STRN: variants seen among roughly 807,000 people sequenced by gnomAD.
STRN encodes the protein striatin.
A neutral mutation model predicts 96.3 loss-of-function variants in STRN; 53 were observed. The ratio of observed to expected loss-of-function variants is 0.55; its 90% CI spans 0.44 to 0.69. The LOEUF is 0.69. Ranked by LOEUF, STRN falls within the 30% of genes least tolerant of loss-of-function variation. The pLI is 0.00. For missense variants in STRN, 987 were observed against 963.9 expected, an observed-to-expected ratio of 1.02 and a Z score of -0.32; for synonymous variants, 428 against 355.9, an observed-to-expected ratio of 1.20 and a Z score of -2.28.
intron 2 of STRN, 70 bp from the exon 3 acceptor site, chr2:36,916,221 T>A: frequency 2.3e-6 from 3 of 1,306,740 alleles, no homozygotes; most frequent in Non-Finnish European, 3.3e-6. Flanking sequence ...ATAGTAGTAG[T>A]CACAAGAATT....
intron 10 of STRN, among the ~76,000 whole-genome samples, chr2:36,871,089 CA>C (rs1358637354): frequency 6.6e-6 from 1 of 152,100 alleles, no homozygotes; most frequent in East Asian, 1.9e-4. Context: ...TAAGCTGTGT[CA>C]AAATGTTTTT....
At chr2:36,934,273 G>T (rs1670647676) in intron 1 of STRN, among the ~76,000 whole-genome samples, 1 of 152,090 alleles carries the variant, frequency 6.6e-6, no homozygotes, top group Non-Finnish European at 1.5e-5. Flanking sequence ...TTCAGCAAAT[G>T]CTCCAACCTG....
intron 9 of STRN, among the ~76,000 whole-genome samples, chr2:36,882,687 T>C (rs1287509005): frequency 6.6e-6 from 1 of 152,186 alleles, no homozygotes; most frequent in Non-Finnish European, 1.5e-5. Context: ...AAGTATCACC[T>C]GAGCCTGAGA....
chr2:36,951,448 A>G (rs1664750275), intron 1 of STRN, among the ~76,000 whole-genome samples: 1 of 152,242 alleles, frequency 6.6e-6, no homozygotes, highest in South Asian at 2.1e-4. Flanking sequence ...AGGCAGAACT[A>G]GCAAGCAGCA....
intron 6 of STRN, among the ~76,000 whole-genome samples, chr2:36,894,567 T>C (rs1460097050): frequency 6.6e-6 from 1 of 152,216 alleles, no homozygotes; most frequent in African/African-American, 2.4e-5. Flanking sequence ...TCTACATGCC[T>C]AAGCTCTTTA....
intron 4 of STRN, among the ~76,000 whole-genome samples, chr2:36,904,851 T>G (rs377274130): frequency 2.6e-5 from 4 of 152,022 alleles, no homozygotes; most frequent in Admixed American, 1.3e-4. Context: ...AATGAATGAA[T>G]GAATGAATGA....
intron 15 of STRN, among the ~76,000 whole-genome samples, chr2:36,853,019 T>C (rs957272502): frequency 4.6e-5 from 7 of 152,214 alleles, no homozygotes; most frequent in East Asian, 1.9e-4. Flanking sequence ...GAACCAGATA[T>C]GGTGGCACAC....
intron 2 of STRN, among the ~76,000 whole-genome samples, chr2:36,918,042 G>A (rs1670155932): frequency 6.6e-6 from 1 of 152,094 alleles, no homozygotes; most frequent in Non-Finnish European, 1.5e-5. Context: ...AGGCAGAAGG[G>A]AGACTATTTT....
intron 1 of STRN, among the ~76,000 whole-genome samples, chr2:36,955,714 G>C (rs1381063980): frequency 6.6e-6 from 1 of 152,066 alleles, no homozygotes; most frequent in Admixed American, 6.6e-5. Flanking sequence ...TCTCTAGCCT[G>C]TCCCCTACCT....
intron 1 of STRN, among the ~76,000 whole-genome samples, chr2:36,949,261 A>G (rs1212674519): frequency 6.6e-6 from 1 of 152,232 alleles, no homozygotes; most frequent in Non-Finnish European, 1.5e-5. Flanking sequence ...TACACTCTAC[A>G]TGTTCACACA....
chr2:36,878,013 A>G lies in STRN; in HGVS notation c.1201T>C (p.Phe401Leu). The G allele has an allele frequency of 6.2e-7, 1 of 1,614,100 alleles. No homozygotes were observed. Among genetic ancestry groups the G allele is most frequent in the South Asian group, 1.1e-5 (1 of 91,070 alleles). ...NRADEVEALT[F>L]PPSSGKSFIM... The stretch of plus-strand genomic sequence containing the variant: ...AATGACTTTCCAGAAGAAGGAGGAA[A>G]TGTCAATGCTTCCACTGAAGAGGGA... Residue 401 changes from phenylalanine to leucine, a missense_variant, in exon 10 of 18, where the codon TTT (phenylalanine) becomes CTT (leucine). Transcript: ENST00000263918.
Position 36,838,514 on chromosome 2 carries a change from T to C in STRN, c.*10942A>G, listed in dbSNP as rs537080377. 2.0e-5 allele frequency among the ~76,000 whole-genome samples: 3 copies of C among 152,290 alleles called. No individual in the cohort carries two copies. Among genetic ancestry groups the C allele is most frequent in the African/African-American group, 7.2e-5 (3 of 41,560 alleles). ...TGGAAATTAAAATAACACTGAAAAATCACTACATCCACCAGGATTTTTTTC... is the reference window on the plus strand; with the variant it reads ...TGGAAATTAAAATAACACTGAAAAACCACTACATCCACCAGGATTTTTTTC... On this transcript the variant is annotated 3_prime_UTR_variant, in exon 18 of 18. Coordinates refer to ENST00000263918, the MANE Select transcript of STRN (RefSeq NM_003162.4).
At chr2:36,868,293 A>G (rs1668679351) in intron 11 of STRN, among the ~76,000 whole-genome samples, 1 of 152,234 alleles carries the variant, frequency 6.6e-6, no homozygotes, top group Non-Finnish European at 1.5e-5. Flanking sequence ...AGGATTAAAT[A>G]GGATTCTACA....
rs1300668351 is a variant in STRN, at chr2:36,843,518, T to C, written c.*5938A>G. 2 of 152,156 alleles carry C rather than the reference T, an allele frequency of 1.3e-5. No individual in the cohort carries two copies. The highest frequency in any genetic ancestry group is 2.9e-5 in the Non-Finnish European group (2 of 68,008). The allele number at this position is 152,156 out of a possible 1,614,324, so 9.4% of individuals were successfully genotyped here. A position where few individuals can be genotyped will look rare whatever the true frequency, so the allele number is the denominator to read the frequency against. ...CATTAAACATATGTGTCTCTGAAAG[T>C]ACCACTGACCCAATCCTAGAAGCTA... On this transcript the variant is annotated 3_prime_UTR_variant, in exon 18 of 18. Coordinates refer to ENST00000263918, the MANE Select transcript of STRN (RefSeq NM_003162.4).
intron 1 of STRN, among the ~76,000 whole-genome samples, chr2:36,941,385 G>A (rs1670840840): frequency 1.3e-5 from 2 of 151,878 alleles, no homozygotes; most frequent in Admixed American, 6.6e-5. Flanking sequence ...TCTTCACATC[G>A]CTCTCCACCC....
At chr2:36,884,487 G>C (rs573446680) in intron 8 of STRN, among the ~76,000 whole-genome samples, 1 of 152,106 alleles carries the variant, frequency 6.6e-6, no homozygotes, top group Non-Finnish European at 1.5e-5. Context: ...TATGGTACCC[G>C]AGGTGAAGTC....
chr2:36,940,796 C>G (rs1209942807), intron 1 of STRN, among the ~76,000 whole-genome samples: 2 of 143,100 alleles, frequency 1.4e-5, no homozygotes, highest in Non-Finnish European at 3.0e-5. Context: ...AAGACTGCAC[C>G]ACTGCACAGC....
At chr2:36,902,944 A>G (rs564687161) in intron 4 of STRN, 193 bp from the exon 5 acceptor site, 1 of 370,904 alleles carries the variant, frequency 2.7e-6, no homozygotes, top group Non-Finnish European at 4.7e-6. Context: ...CAGCCTCTAC[A>G]GTCACTGAGA....
intron 12 of STRN, among the ~76,000 whole-genome samples, 160 bp downstream of exon 12, chr2:36,867,654 T>C (rs1272017516): frequency 1.3e-5 from 2 of 152,204 alleles, no homozygotes; most frequent in African/African-American, 4.8e-5. Flanking sequence ...TTGGCAATGA[T>C]GAACTTCGTT....
Sources: allele counts gnomAD v4.1 joint callset (sites outside exome capture counted in the v4.1 genomes callset), GRCh38; gene constraint gnomAD v4.1.1; transcripts MANE v1.5; gene names NCBI Gene and HGNC (gene_info 2026-07-23, HGNC 2026-07-21).